The following MARCHF1 variants were observed in gnomAD, a reference collection of about 807,000 sequenced individuals.
MARCHF1 encodes the protein E3 ubiquitin-protein ligase MARCHF1.
MARCHF1 carries 40 observed loss-of-function variants against 54.2 expected under a neutral mutation model. The ratio of observed to expected loss-of-function variants is 0.74; its 90% CI spans 0.57 to 0.96. The LOEUF is 0.96. Among genes scored for constraint, MARCHF1 ranks in the 40% least tolerant of loss-of-function variants. The pLI is 0.00. For synonymous variants in MARCHF1, 236 were observed against 236.3 expected, an observed-to-expected ratio of 1.00 and a Z score of 0.01; for missense variants, 586 against 656.5, an observed-to-expected ratio of 0.89 and a Z score of 1.17.
At chr4:164,240,223 T>A (rs1732698093) in intron 1 of MARCHF1, among the ~76,000 whole-genome samples, 1 of 152,348 alleles carries the variant, frequency 6.6e-6, no homozygotes, top group South Asian at 2.1e-4. Context: ...TCACTTTCAG[T>A]TCACAAATTC....
intron 9 of MARCHF1, among the ~76,000 whole-genome samples, chr4:163,541,628 T>G (rs1411359901): frequency 1.3e-5 from 2 of 152,198 alleles, no homozygotes; most frequent in East Asian, 1.9e-4. Flanking sequence ...TGAGGAATTT[T>G]TTTTCTCTCC....
intron 1 of MARCHF1, among the ~76,000 whole-genome samples, chr4:164,236,467 T>C (rs1732563547): frequency 6.6e-6 from 1 of 151,998 alleles, no homozygotes; most frequent in Non-Finnish European, 1.5e-5. Flanking sequence ...GGCACTACGA[T>C]GGGGCCATTT....
At chr4:164,328,931 T>C (rs983187533) in intron 1 of MARCHF1, among the ~76,000 whole-genome samples, 2 of 152,158 alleles carry the variant, frequency 1.3e-5, no homozygotes, top group African/African-American at 4.8e-5. Flanking sequence ...GTTTAAGCAT[T>C]CCCACCACAG....
intron 4 of MARCHF1, among the ~76,000 whole-genome samples, chr4:163,816,866 C>A (rs549568754): frequency 4.7e-4 from 71 of 152,164 alleles, no homozygotes; most frequent in African/African-American, 1.5e-3. Flanking sequence ...TTCACTCCCC[C>A]CGCTGTGCCC....
At chr4:164,074,127 T>A (rs1254391993) in intron 2 of MARCHF1, among the ~76,000 whole-genome samples, 1 of 152,196 alleles carries the variant, frequency 6.6e-6, no homozygotes, top group Non-Finnish European at 1.5e-5. Flanking sequence ...TGAAAGTAAT[T>A]TTTGAAATAA....
At chr4:164,087,237 T>C (rs913601194) in intron 2 of MARCHF1, among the ~76,000 whole-genome samples, 14 of 152,096 alleles carry the variant, frequency 9.2e-5, no homozygotes, top group Non-Finnish European at 2.1e-4. Context: ...TATTTTATGA[T>C]TGCAGGAATC....
chr4:163,972,610 G>A (rs1005560275), intron 3 of MARCHF1, among the ~76,000 whole-genome samples: 18 of 151,954 alleles, frequency 1.2e-4, no homozygotes, highest in Non-Finnish European at 2.1e-4. Flanking sequence ...GCAGTGGCGC[G>A]ATCTCAGCTC....
At chr4:163,712,244 T>G (rs995111096) in intron 4 of MARCHF1, among the ~76,000 whole-genome samples, 2 of 152,210 alleles carry the variant, frequency 1.3e-5, no homozygotes, top group Non-Finnish European at 2.9e-5. Flanking sequence ...ATTTGCAAGC[T>G]AGGTTTTTTA....
intron 4 of MARCHF1, among the ~76,000 whole-genome samples, chr4:163,811,980 G>A (rs1579305779): frequency 6.6e-6 from 1 of 152,198 alleles, no homozygotes; most frequent in East Asian, 1.9e-4. Flanking sequence ...CCAATGTGGT[G>A]GACATCATCT....
chr4:164,099,270 G>C (rs1755483256), intron 2 of MARCHF1, among the ~76,000 whole-genome samples: 1 of 152,194 alleles, frequency 6.6e-6, no homozygotes, highest in African/African-American at 2.4e-5. Flanking sequence ...GTGCTACCAT[G>C]TAAAGTTGTG....
At chr4:163,736,387 A>G (rs1746033965) in intron 4 of MARCHF1, among the ~76,000 whole-genome samples, 1 of 152,182 alleles carries the variant, frequency 6.6e-6, no homozygotes, top group Admixed American at 6.5e-5. Context: ...CCCAGGTGGG[A>G]TGGAGCAGGA....
intron 2 of MARCHF1, among the ~76,000 whole-genome samples, chr4:164,038,891 A>C (rs1417700180): frequency 6.6e-6 from 1 of 152,198 alleles, no homozygotes; most frequent in African/African-American, 2.4e-5. Flanking sequence ...ATAAGGTTTT[A>C]AGTGGAACCC....
intron 2 of MARCHF1, among the ~76,000 whole-genome samples, chr4:164,039,556 T>A (rs1754080837): frequency 6.6e-6 from 1 of 152,160 alleles, no homozygotes; most frequent in South Asian, 2.1e-4. Flanking sequence ...AGGGACCTAT[T>A]CATTGGAAGT....
At chr4:164,153,977 C>T (rs1010898386) in intron 1 of MARCHF1, among the ~76,000 whole-genome samples, 1 of 152,136 alleles carries the variant, frequency 6.6e-6, no homozygotes, top group Non-Finnish European at 1.5e-5. Flanking sequence ...TGTCATTGCT[C>T]TATTAACCTG....
At chr4:164,273,159 T>C (rs574324228) in intron 1 of MARCHF1, among the ~76,000 whole-genome samples, 1 of 151,896 alleles carries the variant, frequency 6.6e-6, no homozygotes, top group East Asian at 1.9e-4. Flanking sequence ...AGGAAAGAAG[T>C]TTAATTGGCT....
At chr4:164,230,690 C>G (rs1732391921) in intron 1 of MARCHF1, among the ~76,000 whole-genome samples, 1 of 152,132 alleles carries the variant, frequency 6.6e-6, no homozygotes, top group African/African-American at 2.4e-5. Flanking sequence ...AGGCTGACAT[C>G]TGGACTACAA....
At position 163,527,675 on chromosome 4, in the gene MARCHF1, TACTC is replaced by T. The variant is rs1315820114; in HGVS notation, c.*1069_*1072del. ...AAGAATGAATTAAACTGTTTTGAAA[TACTC>T]AACAACTGTTAAATAAAGCAGAAGC... On this transcript the variant is annotated 3_prime_UTR_variant, in exon 10 of 10. Coordinates refer to ENST00000514618, the MANE Select transcript of MARCHF1 (RefSeq NM_001394959.1). 1 of 152,030 alleles carries T rather than the reference TACTC, an allele frequency of 6.6e-6. No homozygotes were observed. Among genetic ancestry groups the T allele is most frequent in the Non-Finnish European group, 1.5e-5 (1 of 67,950 alleles). The allele number at this position is 152,030 out of a possible 1,614,324, so 9.4% of individuals were successfully genotyped here.
chr4:164,304,013 AAAC>A (rs1370392155), intron 1 of MARCHF1, among the ~76,000 whole-genome samples: 2 of 152,238 alleles, frequency 1.3e-5, no homozygotes, highest in Non-Finnish European at 2.9e-5. Context: ...AATACCTTCC[AAAC>A]AGACTACTGC....
At chr4:163,585,564 T>C (rs945292288) in intron 8 of MARCHF1, 185 bp downstream of exon 8, 25 of 429,666 alleles carry the variant, frequency 5.8e-5, no homozygotes, top group Admixed American at 2.0e-4. Context: ...ATATAAAACA[T>C]AGAAGAAAGG....
Sources: allele counts gnomAD v4.1 joint callset (sites outside exome capture counted in the v4.1 genomes callset), GRCh38; gene constraint gnomAD v4.1.1; transcripts MANE v1.5; gene names NCBI Gene and HGNC (gene_info 2026-07-23, HGNC 2026-07-21).